Variants in PDCD6 observed in about 807,000 individuals in gnomAD.
PDCD6 encodes programmed cell death 6, also known as programmed cell death protein 6.
Under a neutral mutation model 28.3 loss-of-function variants are expected in PDCD6, and 12 were observed. The observed-to-expected ratio is 0.42, with a 90% CI of 0.27 to 0.69. PDCD6 has a LOEUF of 0.69. Ranked by LOEUF, PDCD6 falls within the 30% of genes least tolerant of loss-of-function variation. PDCD6 has a pLI of 0.22. For missense variants in PDCD6, 226 were observed against 269.9 expected, an observed-to-expected ratio of 0.84 and a Z score of 1.14; for synonymous variants, 92 against 108.0, an observed-to-expected ratio of 0.85 and a Z score of 0.92.
intron 2 of PDCD6, among the ~76,000 whole-genome samples, chr5:273,539 G>A (rs1737979141): frequency 6.6e-6 from 1 of 152,160 alleles, no homozygotes; most frequent in Non-Finnish European, 1.5e-5. Context: ...CCAGATCCGT[G>A]CCATTTAAGC....
intron 2 of PDCD6, among the ~76,000 whole-genome samples, chr5:280,101 TGTGCAAAAGCCA>T (rs1450431674): frequency 6.6e-6 from 1 of 151,254 alleles, no homozygotes; most frequent in Non-Finnish European, 1.5e-5. Context: ...GAGAAGAGCC[TGTGCAAAAGCCA>T]GCGGGGCGAG....
chr5:290,355 C>T (rs1337190543), intron 2 of PDCD6: 10 of 1,071,076 alleles, frequency 9.3e-6, no homozygotes, highest in Non-Finnish European at 1.4e-5. Flanking sequence ...CTCCGCCTCC[C>T]TCCGCAGGTC....
At chr5:272,674 T>G in intron 1 of PDCD6, 37 bp from the exon 2 acceptor site, 1 of 1,550,830 alleles carries the variant, frequency 6.4e-7, no homozygotes, top group Non-Finnish European at 8.7e-7. Context: ...TCCTGAACTT[T>G]CGATCGCCAG....
chr5:274,888 A>C, intron 2 of PDCD6, among the ~76,000 whole-genome samples: 1 of 152,166 alleles, frequency 6.6e-6, no homozygotes, highest in Middle Eastern at 3.2e-3. Context: ...GCTGCTACTA[A>C]ATATCTACCA....
At chr5:298,943 A>C (rs1273488075) in intron 2 of PDCD6, among the ~76,000 whole-genome samples, 1 of 4,448 alleles carries the variant, frequency 2.2e-4, no homozygotes, top group African/African-American at 1.0e-3. Flanking sequence ...AGCTACTCCC[A>C]CCCAGCTGCT....
chr5:290,239 A>G (rs1415875231), intron 2 of PDCD6: 2 of 1,534,578 alleles, frequency 1.3e-6, no homozygotes, highest in East Asian at 2.2e-5. Context: ...TATGACAAAG[A>G]AACTGATCCA....
At chr5:311,517 AG>A (rs1740915271) in intron 5 of PDCD6, 115 bp downstream of exon 5, 1 of 683,310 alleles carries the variant, frequency 1.5e-6, no homozygotes, top group Non-Finnish European at 2.6e-6. Flanking sequence ...TAGTTTTTGG[AG>A]CTTATAAAAG....
At chr5:313,960 G>C (rs940643200) in intron 5 of PDCD6, 1 of 165,348 alleles carries the variant, frequency 6.0e-6, no homozygotes, top group Non-Finnish European at 1.3e-5. Context: ...GTGAGAGGGA[G>C]GGGTGGGCTG....
intron 2 of PDCD6, chr5:289,790 G>A (rs931767093): frequency 1.3e-5 from 14 of 1,084,994 alleles, no homozygotes; most frequent in African/African-American, 9.3e-5. Flanking sequence ...ACCTTTGGTC[G>A]ATTACGTGGT....
intron 2 of PDCD6, among the ~76,000 whole-genome samples, chr5:277,100 A>G (rs983382381): frequency 3.3e-5 from 5 of 152,138 alleles, no homozygotes; most frequent in Admixed American, 3.3e-4. Flanking sequence ...TTTAAAAAAT[A>G]ATAATTCTTA....
Position 307,248 on chromosome 5 carries a change from T to TGCC in PDCD6, c.367+489_367+490insCCG, listed in dbSNP as rs1342115096. ...GCTCGGCGTGTGTGTGCTCGGCGTG[T>TGCC]GTGTGCTCGGCGTGTGTGTGCACAC... On this transcript the variant is annotated intron_variant, in intron 4 of 5. Transcript: ENST00000264933. The surrounding 1 kb of genome is among the most constrained non-coding windows in gnomAD (Gnocchi z 6.1). Among the ~76,000 whole-genome samples the TGCC allele has an allele frequency of 8.4e-5, 10 of 118,876 alleles. No individual in the cohort carries two copies. The highest frequency in any genetic ancestry group is 1.8e-4 in the African/African-American group (4 of 22,270). 78.0% of individuals were successfully genotyped at this position (118,876 alleles called of 152,430 possible).
intron 2 of PDCD6, among the ~76,000 whole-genome samples, chr5:291,366 A>G (rs1739300977): frequency 6.6e-6 from 1 of 151,656 alleles, no homozygotes; most frequent in Non-Finnish European, 1.5e-5. Flanking sequence ...TCTGTCCTCC[A>G]TTCTCTCCCT....
Position 271,697 on chromosome 5 carries a change from C to A in PDCD6, c.-24C>A. The A allele has an allele frequency of 7.0e-7, 1 of 1,437,062 alleles. No individual in the cohort carries two copies. The highest frequency in any genetic ancestry group is 9.5e-7 in the Non-Finnish European group (1 of 1,055,366). 89.0% of individuals were successfully genotyped at this position (1,437,062 alleles called of 1,614,324 possible). A position where few individuals can be genotyped will look rare whatever the true frequency, so the allele number is the denominator to read the frequency against. On this transcript the variant is annotated 5_prime_UTR_variant, in exon 1 of 6. Coordinates refer to ENST00000264933, the MANE Select transcript of PDCD6 (RefSeq NM_013232.4). ...AGGTCTCTCGTCGCTGCAGGCGCCT[C>A]AGCCCAGCCGCGTGCCTTGGCCCAT...
chr5:314,384 C>T (rs780325757), intron 5 of PDCD6, 33 bp from the exon 6 acceptor site: 22 of 1,498,414 alleles, frequency 1.5e-5, no homozygotes, highest in Non-Finnish European at 1.9e-5. Context: ...CTTCCATTTA[C>T]TATCGAGATT....
At chr5:294,181 A>G (rs1446346897) in intron 2 of PDCD6, among the ~76,000 whole-genome samples, 1 of 151,884 alleles carries the variant, frequency 6.6e-6, no homozygotes, top group African/African-American at 2.4e-5. Flanking sequence ...CATGATTCAT[A>G]AAAGATTGAC....
chr5:303,067 A>G (rs901375415), intron 2 of PDCD6, among the ~76,000 whole-genome samples: 1 of 152,140 alleles, frequency 6.6e-6, no homozygotes, highest in African/African-American at 2.4e-5. Context: ...TGAGGAAGGA[A>G]AGGAAGGAGC....
chr5:296,531 G>T (rs778293344), intron 2 of PDCD6, among the ~76,000 whole-genome samples: 1 of 152,262 alleles, frequency 6.6e-6, no homozygotes, highest in Non-Finnish European at 1.5e-5. Flanking sequence ...AGTGCAAGGC[G>T]AGTGAGGGAC....
chr5:293,989 C>G (rs1739444606), intron 2 of PDCD6, among the ~76,000 whole-genome samples: 1 of 142,516 alleles, frequency 7.0e-6, no homozygotes, highest in African/African-American at 2.9e-5. Context: ...CTGGGAGCTG[C>G]AAACGCCCGC....
At chr5:287,425 T>C (rs1327365412) in intron 2 of PDCD6, among the ~76,000 whole-genome samples, 1 of 147,682 alleles carries the variant, frequency 6.8e-6, no homozygotes, top group Non-Finnish European at 1.5e-5. Flanking sequence ...GATCAATGCA[T>C]TCCTTTTTCT....
Sources: gnomAD v4.1 joint callset for allele counts (sites outside exome capture counted in the v4.1 genomes callset) on GRCh38, gnomAD v4.1.1 for gene constraint, Gnocchi (gnomAD v3.1) non-coding constraint, MANE v1.5 for transcripts, NCBI Gene and HGNC (gene_info 2026-07-23, HGNC 2026-07-21) for gene names.